The following COL4A3 variants were observed in gnomAD, a reference collection of about 807,000 sequenced individuals.
The protein encoded by COL4A3 is collagen type IV alpha 3 chain.
In COL4A3, 135 loss-of-function variants were observed where a neutral mutation model predicts 217.4. That is an observed-to-expected ratio of 0.62 (90% CI 0.54 to 0.72). The LOEUF (loss-of-function observed/expected upper bound fraction) is 0.72. Ranked by LOEUF, COL4A3 falls within the 30% of genes least tolerant of loss-of-function variation. The pLI, the probability that COL4A3 is intolerant of heterozygous loss-of-function variation, is 0.00. For missense variants in COL4A3, 1,868 were observed against 2,119.9 expected (o/e 0.88, Z 2.33); for synonymous variants, 690 against 736.3 (o/e 0.94, Z 1.02).
intron 1 of COL4A3, among the ~76,000 whole-genome samples, chr2:227,187,567 T>C (rs944740320): frequency 6.6e-6 from 1 of 152,140 alleles, no homozygotes; most frequent in African/African-American, 2.4e-5. Context: ...AATAATTGGA[T>C]AAATAGGAAG....
chr2:227,217,859 G>A, intron 1 of COL4A3, among the ~76,000 whole-genome samples: 1 of 151,900 alleles, frequency 6.6e-6, no homozygotes, highest in Non-Finnish European at 1.5e-5. Context: ...AGGCCTTACA[G>A]TTAAACATTA....
At chr2:227,171,323 C>T (rs1404195828) in intron 1 of COL4A3, among the ~76,000 whole-genome samples, 2 of 152,194 alleles carry the variant, frequency 1.3e-5, no homozygotes, top group Non-Finnish European at 2.9e-5. Context: ...TGTAGATTCA[C>T]ACGCTTTGAG....
In COL4A3 at chr2:227,248,493, C is replaced by CG. The variant is rs761358728; in HGVS notation, c.522dup (p.Leu175ValfsTer38). On this transcript the variant is annotated frameshift_variant, in exon 9 of 52. Transcript: ENST00000396578. LOFTEE classifies it high-confidence loss of function. The stretch of plus-strand genomic sequence containing the variant: ...TAGAACTTGATGCAAAAGGCGACCC[C>CG]GGGTTGCCAGGGGCTCCAGGACCCC... 10 of 1,613,316 alleles carry CG rather than the reference C, an allele frequency of 6.2e-6. No individual in the cohort carries two copies. The highest frequency in any genetic ancestry group is 8.5e-6 in the Non-Finnish European group (10 of 1,179,430).
chr2:227,283,290 C>T (rs578146615), intron 32 of COL4A3, among the ~76,000 whole-genome samples: 17 of 152,310 alleles, frequency 1.1e-4, no homozygotes, highest in South Asian at 6.2e-4. Flanking sequence ...ACAACTTAAT[C>T]GACACATTAT....
chr2:227,197,085 A>AT, intron 1 of COL4A3, among the ~76,000 whole-genome samples: 1 of 152,134 alleles, frequency 6.6e-6, no homozygotes, highest in African/African-American at 2.4e-5. Flanking sequence ...GCCATGTAAG[A>AT]TGTGCCTTTC....
chr2:227,273,599 G>T (rs1402333016), intron 26 of COL4A3, among the ~76,000 whole-genome samples: 1 of 152,026 alleles, frequency 6.6e-6, no homozygotes, highest in Non-Finnish European at 1.5e-5. Flanking sequence ...TTTTTGTAGA[G>T]ACAGGATGTT....
intron 1 of COL4A3, among the ~76,000 whole-genome samples, chr2:227,174,750 G>A (rs942268142): frequency 3.3e-5 from 5 of 152,084 alleles, no homozygotes; most frequent in South Asian, 2.1e-4. Context: ...GAAGTGATCC[G>A]CTCACCTTGG....
Position 227,312,039 on chromosome 2 carries a change from G to A in COL4A3, c.*169G>A. 7.9e-7 allele frequency: 1 copy of A among 1,264,104 alleles called. No homozygotes were observed. Among genetic ancestry groups the A allele is most frequent in the Non-Finnish European group, 1.1e-6 (1 of 908,812 alleles). The allele number at this position is 1,264,104 out of a possible 1,614,324, so 78.3% of individuals were successfully genotyped here. A position where few individuals can be genotyped will look rare whatever the true frequency, so the allele number is the denominator to read the frequency against. On this transcript the variant is annotated 3_prime_UTR_variant, in exon 52 of 52. Coordinates refer to ENST00000396578, the MANE Select transcript of COL4A3 (RefSeq NM_000091.5). Reference sequence around the variant, plus strand: ...AAAACAAAGCAATTCTTTCAAGTCAGTTCTGTGATCTGGGTCTCTAATCTG... The same window carrying A: ...AAAACAAAGCAATTCTTTCAAGTCAATTCTGTGATCTGGGTCTCTAATCTG...
Position 227,253,612 on chromosome 2 carries a change from A to G in COL4A3, c.739A>G (p.Thr247Ala). 1 of 1,613,954 alleles carries G rather than the reference A, an allele frequency of 6.2e-7. No individual in the cohort carries two copies. The highest frequency in any genetic ancestry group is 2.2e-5 in the East Asian group (1 of 44,880). ...GGGACCACCAGGAACAGTTATTGTG[A>G]CCCTAACTGGCCCAGATAACAGAAC... ...PPGPPGTVIV[T>A]LTGPDNRTDL... Residue 247 changes from threonine to alanine, a missense_variant, in exon 13 of 52, where the codon ACC becomes GCC. Physicochemically the swap from Thr to Ala is moderately conservative, Grantham distance 58 (BLOSUM62 0). Transcript: ENST00000396578. The surrounding 1 kb of genome is among the most constrained non-coding windows in gnomAD (Gnocchi z 4.4).
At chr2:227,302,691 A>AAAAAAAAG in intron 43 of COL4A3, among the ~76,000 whole-genome samples, 1 of 77,774 alleles carries the variant, frequency 1.3e-5, no homozygotes, top group Non-Finnish European at 3.7e-5. Context: ...AAAAAAAAAA[A>AAAAAAAAG]AAAAAAAAAA....
chr2:227,165,772 C>T (rs2065238988), intron 1 of COL4A3, among the ~76,000 whole-genome samples: 1 of 152,084 alleles, frequency 6.6e-6, no homozygotes, highest in South Asian at 2.1e-4. Flanking sequence ...AATTTTAGAA[C>T]CTATGGTCAC....
intron 1 of COL4A3, among the ~76,000 whole-genome samples, chr2:227,188,363 A>C (rs1436706107): frequency 6.6e-6 from 1 of 152,078 alleles, no homozygotes; most frequent in East Asian, 1.9e-4. Context: ...GATATTTAAC[A>C]CTGAAAAAGG....
intron 1 of COL4A3, among the ~76,000 whole-genome samples, chr2:227,168,890 T>C: frequency 6.6e-6 from 1 of 152,068 alleles, no homozygotes. Flanking sequence ...TTTCTTTTTT[T>C]TATTTTATTA....
intron 1 of COL4A3, among the ~76,000 whole-genome samples, chr2:227,214,132 A>G (rs10169166): frequency 9.8e-4 from 149 of 152,290 alleles, no homozygotes; most frequent in African/African-American, 3.5e-3. Context: ...GTTATGCCTC[A>G]GGAACTTCTT....
In COL4A3 at chr2:227,283,763, A is replaced by G; in HGVS notation, c.2657-4A>G. The G allele has an allele frequency of 1.2e-6, 2 of 1,613,540 alleles. No homozygotes were observed. The highest frequency in any genetic ancestry group is 1.7e-6 in the Non-Finnish European group (2 of 1,179,482). ...TGCTGCTTTGTGTTAATTTGTTTCC[A>G]TAGGTGAAGATGGAGTGATTGGGAT... On this transcript the variant is annotated splice_polypyrimidine_tract_variant and splice_region_variant and intron_variant, in intron 32 of 51. Transcript: ENST00000396578.
chr2:227,171,634 A>G (rs1320467561), intron 1 of COL4A3, among the ~76,000 whole-genome samples: 3 of 152,188 alleles, frequency 2.0e-5, no homozygotes, highest in Non-Finnish European at 4.4e-5. Context: ...TGGAGGCTGG[A>G]AAGTCCAAGA....
chr2:227,297,812 C>G lies in COL4A3; in HGVS notation c.3704C>G (p.Pro1235Arg), dbSNP rs955042051. The G allele has an allele frequency of 5.1e-6, 8 of 1,569,954 alleles. No individual in the cohort carries two copies. In the Admixed American group the frequency reaches 1.1e-4, roughly 22 times the overall value. ...GPPGLPGAII[P>R]GQTGNRGPPG... is the part of the protein sequence containing the mutation. ...CCAGGTCTGCCCGGTGCAATTATCC[C>G]TGGCCAGACAGGAAATCGTGGTCCA... The change falls in exon 42 of 52, where the codon CCT becomes CGT. Residue 1235 changes from proline to arginine, a missense_variant. Physicochemically the swap from Pro to Arg is moderately radical, Grantham distance 103 (BLOSUM62 -2). This residue lies in a region of COL4A3 where 1,503 missense variants were observed against 1,786.1 expected (regional missense o/e 0.84). Coordinates refer to ENST00000396578, the MANE Select transcript of COL4A3 (RefSeq NM_000091.5).
chr2:227,270,987 G>A, intron 25 of COL4A3, 35 bp downstream of exon 25: 1 of 1,598,162 alleles, frequency 6.3e-7, no homozygotes, highest in Non-Finnish European at 8.6e-7. Context: ...CCCTATAAAT[G>A]AAGTACTCTG....
chr2:227,266,594 G>A (rs1379733114), intron 22 of COL4A3, 85 bp downstream of exon 22: 2 of 999,418 alleles, frequency 2.0e-6, no homozygotes, highest in East Asian at 5.1e-5. Context: ...AGATAACAAT[G>A]ATCCCAAATA....
Sources: allele counts gnomAD v4.1 joint callset (sites outside exome capture counted in the v4.1 genomes callset), GRCh38; gene constraint gnomAD v4.1.1; regional missense constraint gnomAD v4.1.1; non-coding constraint Gnocchi (gnomAD v3.1); transcripts MANE v1.5; gene names NCBI Gene and HGNC (gene_info 2026-07-23, HGNC 2026-07-21).